The following TTC9 variants were observed in gnomAD, a reference collection of about 807,000 sequenced individuals.
TTC9 encodes the protein tetratricopeptide repeat protein 9A.
In TTC9, 13 loss-of-function variants were observed where a neutral mutation model predicts 22.9. The ratio of observed to expected loss-of-function variants is 0.57; its 90% CI spans 0.37 to 0.90. The LOEUF is 0.90. Among genes scored for constraint, TTC9 ranks in the 40% least tolerant of loss-of-function variants. TTC9 has a pLI of 0.01. For synonymous variants in TTC9, 148 were observed against 133.2 expected, an observed-to-expected ratio of 1.11 and a Z score of -0.77; for missense variants, 280 against 291.8, an observed-to-expected ratio of 0.96 and a Z score of 0.29.
At chr14:70,642,651 G>C in intron 1 of TTC9, 116 bp downstream of exon 1, 1 of 989,770 alleles carries the variant, frequency 1.0e-6, no homozygotes, top group Non-Finnish European at 1.4e-6. Context: ...GTTGCTCTGG[G>C]GAGAACCCGG....
intron 1 of TTC9, among the ~76,000 whole-genome samples, chr14:70,661,906 C>G (rs1886149398): frequency 6.6e-6 from 1 of 152,202 alleles, no homozygotes; most frequent in African/African-American, 2.4e-5. Context: ...TTTGCAGCTT[C>G]AATTCTTGTC....
In TTC9 at chr14:70,672,063, CCTCA is replaced by C. The variant is rs1886305150; in HGVS notation, c.*911_*914del. The C allele has an allele frequency of 6.6e-6, 1 of 152,258 alleles. No homozygotes were observed. Among genetic ancestry groups the C allele is most frequent in the African/African-American group, 2.4e-5 (1 of 41,450 alleles). 9.4% of individuals were successfully genotyped at this position (152,258 alleles called of 1,614,324 possible). A position where few individuals can be genotyped will look rare whatever the true frequency, so the allele number is the denominator to read the frequency against. On this transcript the variant is annotated 3_prime_UTR_variant, in exon 3 of 3. Coordinates refer to ENST00000256367, the MANE Select transcript of TTC9 (RefSeq NM_015351.2). ...CAGTTCTGTTGGAAGCAGCCCACTC[CCTCA>C]CTTTTACTCCTTCCTCCAACCCTCA...
intron 1 of TTC9, among the ~76,000 whole-genome samples, chr14:70,663,421 G>C (rs951484274): frequency 2.0e-5 from 3 of 152,110 alleles, no homozygotes; most frequent in Non-Finnish European, 4.4e-5. Context: ...AAGAGGCTAG[G>C]GGAGCTGCTA....
chr14:70,667,428 G>T, intron 1 of TTC9, 136 bp from the exon 2 acceptor site: 1 of 877,032 alleles, frequency 1.1e-6, no homozygotes, highest in Non-Finnish European at 1.7e-6. Flanking sequence ...TAGGATTATT[G>T]GAAGACAAAT....
At chr14:70,650,372 G>C (rs534518665) in intron 1 of TTC9, among the ~76,000 whole-genome samples, 4 of 151,684 alleles carry the variant, frequency 2.6e-5, no homozygotes, top group African/African-American at 9.7e-5. Flanking sequence ...GCGGTGAGCC[G>C]AGATTGCACC....
chr14:70,659,119 A>AC (rs1555362234), intron 1 of TTC9, among the ~76,000 whole-genome samples: 5 of 134,616 alleles, frequency 3.7e-5, no homozygotes, highest in Non-Finnish European at 6.4e-5. Flanking sequence ...TATATAACTA[A>AC]ACACACACAC....
At chr14:70,655,379 G>A (rs1021091933) in intron 1 of TTC9, among the ~76,000 whole-genome samples, 11 of 150,608 alleles carry the variant, frequency 7.3e-5, no homozygotes, top group African/African-American at 2.4e-4. Flanking sequence ...TCGCTTGGGC[G>A]ACAGAGCGAG....
intron 1 of TTC9, among the ~76,000 whole-genome samples, chr14:70,644,349 G>A (rs1277290437): frequency 6.6e-6 from 1 of 152,222 alleles, no homozygotes. Context: ...ATGGAAAGTA[G>A]CAATAGCAGA....
chr14:70,657,321 G>C (rs1460522416), intron 1 of TTC9, among the ~76,000 whole-genome samples: 1 of 152,220 alleles, frequency 6.6e-6, no homozygotes, highest in Non-Finnish European at 1.5e-5. Context: ...TAGTGATGAT[G>C]CGTGGGAAGC....
intron 1 of TTC9, among the ~76,000 whole-genome samples, chr14:70,645,915 G>C (rs1401915860): frequency 6.6e-6 from 1 of 152,220 alleles, no homozygotes; most frequent in Non-Finnish European, 1.5e-5. Context: ...GGGCATCGCT[G>C]CTCCAAACAA....
intron 1 of TTC9, among the ~76,000 whole-genome samples, chr14:70,663,108 C>T (rs1374225666): frequency 6.6e-6 from 1 of 152,164 alleles, no homozygotes; most frequent in African/African-American, 2.4e-5. Flanking sequence ...CAATGAAGTC[C>T]CAGATCTTCT....
chr14:70,664,800 A>G (rs535404385), intron 1 of TTC9, among the ~76,000 whole-genome samples: 116 of 149,648 alleles, frequency 7.8e-4, no homozygotes, highest in African/African-American at 2.7e-3. Flanking sequence ...TGGCCCAGCT[A>G]TTTCTCCATC....
chr14:70,667,963 A>G (rs1287264943), intron 2 of TTC9, among the ~76,000 whole-genome samples: 1 of 152,174 alleles, frequency 6.6e-6, no homozygotes, highest in Non-Finnish European at 1.5e-5. Context: ...TTCTCTTCAA[A>G]TAGAGTATAG....
chr14:70,661,357 A>G (rs1434438457), intron 1 of TTC9, among the ~76,000 whole-genome samples: 1 of 152,206 alleles, frequency 6.6e-6, no homozygotes, highest in Admixed American at 6.5e-5. Flanking sequence ...GAGGACTGTA[A>G]CGTATCCTGT....
rs1200788491 is a variant in TTC9, at chr14:70,671,538, A to G, written c.*383A>G. On this transcript the variant is annotated 3_prime_UTR_variant, in exon 3 of 3. Transcript: ENST00000256367. ...CCCACAGGCAGCAGGCACACAGCCC[A>G]TGGGCTGGATCCTTCCACACTTTCC... The G allele has an allele frequency of 4.3e-6, 1 of 229,930 alleles. No homozygotes were observed. Among genetic ancestry groups the G allele is most frequent in the African/African-American group, 2.3e-5 (1 of 43,950 alleles). 14.2% of individuals were successfully genotyped at this position (229,930 alleles called of 1,614,324 possible). A position where few individuals can be genotyped will look rare whatever the true frequency, so the allele number is the denominator to read the frequency against.
chr14:70,663,717 G>A (rs1190514223), intron 1 of TTC9, among the ~76,000 whole-genome samples: 1 of 152,098 alleles, frequency 6.6e-6, no homozygotes. Context: ...GGGTGGGGGG[G>A]CGGGTGTCAG....
chr14:70,650,501 A>T (rs996416715), intron 1 of TTC9, among the ~76,000 whole-genome samples: 3 of 152,190 alleles, frequency 2.0e-5, no homozygotes, highest in Non-Finnish European at 4.4e-5. Flanking sequence ...AATTCTCTTC[A>T]GACATCTTCT....
chr14:70,654,615 AAAAAAAATTCT>A (rs1886034113), intron 1 of TTC9, among the ~76,000 whole-genome samples: 2 of 137,588 alleles, frequency 1.5e-5, no homozygotes, highest in Non-Finnish European at 3.2e-5. Flanking sequence ...AAAAAAAAAA[AAAAAAAATTCT>A]AATTACAAAA....
chr14:70,661,562 T>A (rs1886145077), intron 1 of TTC9, among the ~76,000 whole-genome samples: 1 of 152,244 alleles, frequency 6.6e-6, no homozygotes, highest in Admixed American at 6.5e-5. Flanking sequence ...TTGTTCTTCC[T>A]TTCATCTGGT....
Sources: allele counts gnomAD v4.1 joint callset (sites outside exome capture counted in the v4.1 genomes callset), GRCh38; gene constraint gnomAD v4.1.1; transcripts MANE v1.5; gene names NCBI Gene and HGNC (gene_info 2026-07-23, HGNC 2026-07-21).